Variants in RCOR3 observed in about 807,000 individuals in gnomAD.
The protein encoded by RCOR3 is REST corepressor 3.
In RCOR3, 13 loss-of-function variants were observed where a neutral mutation model predicts 64.1. The ratio of observed to expected loss-of-function variants is 0.20; its 90% CI spans 0.13 to 0.32. The LOEUF is 0.32. Ranked by LOEUF, RCOR3 falls within the 10% of genes least tolerant of loss-of-function variation. RCOR3 has a pLI of 1.00. For missense variants in RCOR3, 489 were observed against 701.2 expected, an observed-to-expected ratio of 0.70 and a Z score of 3.42; for synonymous variants, 215 against 239.0, an observed-to-expected ratio of 0.90 and a Z score of 0.93.
chr1:211,275,617 A>G (rs941305579), intron 4 of RCOR3, among the ~76,000 whole-genome samples: 52 of 152,256 alleles, frequency 3.4e-4, no homozygotes, highest in African/African-American at 1.2e-3. Context: ...AAGTTATGGA[A>G]TTTTTGGAAA....
At chr1:211,277,581 A>G (rs1182296286) in intron 5 of RCOR3, among the ~76,000 whole-genome samples, 1 of 152,224 alleles carries the variant, frequency 6.6e-6, no homozygotes, top group African/African-American at 2.4e-5. Flanking sequence ...CACATATTGT[A>G]TGATTCCCTT....
chr1:211,276,901 A>G (rs1362185954), intron 5 of RCOR3, among the ~76,000 whole-genome samples: 1 of 152,050 alleles, frequency 6.6e-6, no homozygotes, highest in Non-Finnish European at 1.5e-5. Context: ...CCTGGCTAAC[A>G]CAGTGAAACC....
At chr1:211,309,088 A>AAAC (rs1446313827) in intron 10 of RCOR3, among the ~76,000 whole-genome samples, 1 of 149,928 alleles carries the variant, frequency 6.7e-6, no homozygotes. Context: ...GCTAAACATA[A>AAAC]AAAAAAAAAA....
At chr1:211,275,142 T>C (rs1696792873) in intron 4 of RCOR3, among the ~76,000 whole-genome samples, 1 of 151,880 alleles carries the variant, frequency 6.6e-6, no homozygotes, top group Admixed American at 6.6e-5. Flanking sequence ...TTAAATCTCA[T>C]TTCAACTAAG....
intron 2 of RCOR3, among the ~76,000 whole-genome samples, chr1:211,263,763 G>C (rs993973987): frequency 6.6e-6 from 1 of 152,054 alleles, no homozygotes; most frequent in African/African-American, 2.4e-5. Context: ...GTATAATTAG[G>C]TGAGAATATA....
At chr1:211,294,067 T>C (rs1199082740) in intron 8 of RCOR3, among the ~76,000 whole-genome samples, 2 of 152,304 alleles carry the variant, frequency 1.3e-5, no homozygotes, top group Admixed American at 6.5e-5. Context: ...CTGCTATAAC[T>C]TTTTTTGAAA....
At chr1:211,300,418 C>T (rs142581273) in intron 9 of RCOR3, among the ~76,000 whole-genome samples, 13 of 152,238 alleles carry the variant, frequency 8.5e-5, no homozygotes, top group Non-Finnish European at 1.9e-4. Flanking sequence ...TTAGCATTGG[C>T]ACTGATGACC....
intron 2 of RCOR3, among the ~76,000 whole-genome samples, chr1:211,270,613 C>G (rs868524626): frequency 6.6e-6 from 1 of 150,896 alleles, no homozygotes; most frequent in Admixed American, 6.6e-5. Flanking sequence ...ATGATGATCT[C>G]TAAGTAATGT....
chr1:211,271,401 C>A lies in RCOR3; in HGVS notation c.301+92C>A. 7.5e-6 allele frequency: 7 copies of A among 932,724 alleles called. 1 individual carries two copies. Among genetic ancestry groups the A allele is most frequent in the Non-Finnish European group, 1.2e-5 (7 of 587,430 alleles). The allele number at this position is 932,724 out of a possible 1,614,324, so 57.8% of individuals were successfully genotyped here. On this transcript the variant is annotated intron_variant, in intron 3 of 11. Coordinates refer to ENST00000419091, the MANE Select transcript of RCOR3 (RefSeq NM_001136223.3). Reference sequence around the variant, plus strand: ...CGTTTGTTTTTGGGTCTTATAGATTCTCATAAGAAAACAGTTTTGTCTTTG... The same window carrying A: ...CGTTTGTTTTTGGGTCTTATAGATTATCATAAGAAAACAGTTTTGTCTTTG...
chr1:211,309,004 G>A (rs976175104), intron 10 of RCOR3, among the ~76,000 whole-genome samples: 3 of 148,318 alleles, frequency 2.0e-5, no homozygotes, highest in East Asian at 4.0e-4. Context: ...GAGCCACCAT[G>A]CCTGGCCCCA....
At chr1:211,262,033 CTTTT>C (rs1196587722) in intron 2 of RCOR3, among the ~76,000 whole-genome samples, 3 of 65,510 alleles carry the variant, frequency 4.6e-5, no homozygotes, top group South Asian at 6.9e-4. Context: ...GCTATAAAAA[CTTTT>C]TTTTTTTTTT....
chr1:211,277,114 C>CA (rs1165297446), intron 5 of RCOR3, among the ~76,000 whole-genome samples: 4 of 149,270 alleles, frequency 2.7e-5, no homozygotes, highest in Admixed American at 1.3e-4. Context: ...AACAAAAAAA[C>CA]AAAAAAAATA....
intron 7 of RCOR3, among the ~76,000 whole-genome samples, chr1:211,281,655 T>TATGTTTTAGATATG (rs1371670756): frequency 1.3e-5 from 2 of 152,214 alleles, no homozygotes. Context: ...TGTCGTTTAG[T>TATGTTTTAGATATG]TCCCTGGCTT....
chr1:211,279,351 C>G (rs189719093), intron 7 of RCOR3, 35 bp downstream of exon 7: 9 of 1,448,554 alleles, frequency 6.2e-6, no homozygotes, highest in Non-Finnish European at 8.7e-6. Flanking sequence ...TGTGATTGTT[C>G]TACAAATCTG....
chr1:211,287,136 A>AT (rs1698647485), intron 7 of RCOR3, among the ~76,000 whole-genome samples: 1 of 152,198 alleles, frequency 6.6e-6, no homozygotes, highest in African/African-American at 2.4e-5. Flanking sequence ...ACCTGCCTGA[A>AT]TGGAGGACTG....
At chr1:211,276,450 A>G in intron 5 of RCOR3, 32 bp downstream of exon 5, 1 of 1,569,256 alleles carries the variant, frequency 6.4e-7, no homozygotes, top group Non-Finnish European at 8.7e-7. Context: ...TGTGGTTCAT[A>G]TGTGAATGAT....
Position 211,271,069 on chromosome 1 carries a change from G to T in RCOR3, c.224-163G>T, listed in dbSNP as rs573994498. Among the ~76,000 whole-genome samples, 8 of 152,266 alleles carry T rather than the reference G, an allele frequency of 5.3e-5. 1 individual carries two copies. The South Asian group carries it at 1.7e-3, about 32-fold the overall frequency. ...AGACGGGGTTTCACCATGTTAGCCA[G>T]GATGGTCTCGATCTCCTGACCTTGT... On this transcript the variant is annotated intron_variant, in intron 2 of 11. Transcript: ENST00000419091.
chr1:211,260,092 T>G lies in RCOR3; in HGVS notation c.167-16T>G. On this transcript the variant is annotated splice_polypyrimidine_tract_variant and intron_variant, in intron 1 of 11. Coordinates refer to ENST00000419091, the MANE Select transcript of RCOR3 (RefSeq NM_001136223.3). The stretch of plus-strand genomic sequence containing the variant: ...TTTTTTATTTTTTATATATATTTTT[T>G]GGCATTGCTTTGCAGATGTTGGGAT... 1.9e-6 allele frequency: 3 copies of G among 1,589,130 alleles called. No homozygotes were observed. The highest frequency in any genetic ancestry group is 2.6e-6 in the Non-Finnish European group (3 of 1,168,476).
intron 2 of RCOR3, among the ~76,000 whole-genome samples, chr1:211,270,956 G>A (rs917758041): frequency 2.6e-5 from 4 of 151,592 alleles, no homozygotes; most frequent in African/African-American, 4.8e-5. Flanking sequence ...CCGGGTTCAC[G>A]CCATTCTCTT....
Sources: allele counts gnomAD v4.1 joint callset (sites outside exome capture counted in the v4.1 genomes callset), GRCh38; gene constraint gnomAD v4.1.1; transcripts MANE v1.5; gene names NCBI Gene and HGNC (gene_info 2026-07-23, HGNC 2026-07-21).